The following ANKS1B variants were observed in gnomAD, a reference collection of about 807,000 sequenced individuals.
The protein encoded by ANKS1B is ankyrin repeat and sterile alpha motif domain containing 1B.
Under a neutral mutation model 148.3 loss-of-function variants are expected in ANKS1B, and 36 were observed. The ratio of observed to expected loss-of-function variants is 0.24; its 90% CI spans 0.19 to 0.32. The LOEUF (loss-of-function observed/expected upper bound fraction) is 0.32, where lower values mean the gene tolerates loss of function less well. Among genes scored for constraint, ANKS1B ranks in the 10% least tolerant of loss-of-function variants. ANKS1B has a pLI of 1.00. For missense variants in ANKS1B, 1,157 were observed against 1,542.6 expected (o/e 0.75, Z 4.19); for synonymous variants, 542 against 560.8 (o/e 0.97, Z 0.47).
intron 1 of ANKS1B, among the ~76,000 whole-genome samples, chr12:99,932,351 C>T (rs1199230924): frequency 6.6e-6 from 1 of 152,172 alleles, no homozygotes; most frequent in African/African-American, 2.4e-5. Flanking sequence ...AACCTCCATA[C>T]TGTTCTCCAT....
intron 9 of ANKS1B, among the ~76,000 whole-genome samples, chr12:99,572,687 G>A (rs2097471953): frequency 6.6e-6 from 1 of 151,804 alleles, no homozygotes; most frequent in African/African-American, 2.4e-5. Context: ...ATATAATTTT[G>A]AGGCAGCATT....
At position 99,103,168 on chromosome 12, in the gene ANKS1B, C is replaced by G. The variant is rs573159540; in HGVS notation, c.2527-18145G>C. Among the ~76,000 whole-genome samples the G allele has an allele frequency of 2.0e-5, 3 of 152,064 alleles. No individual in the cohort carries two copies. In the South Asian group the frequency reaches 6.3e-4, roughly 32 times the overall value. On this transcript the variant is annotated intron_variant, in intron 15 of 26. Transcript: ENST00000683438. ...AGGTGTAGAATCCTTACTCCTGAAG[C>G]CCTTCACTGCTGATACTTCTGCTAT...
At chr12:99,096,527 C>A (rs1311428753) in intron 15 of ANKS1B, among the ~76,000 whole-genome samples, 1 of 152,140 alleles carries the variant, frequency 6.6e-6, no homozygotes, top group Non-Finnish European at 1.5e-5. Flanking sequence ...CCACGAAGGG[C>A]TAAACTAAAA....
chr12:99,302,766 T>G (rs2081838314), intron 12 of ANKS1B, among the ~76,000 whole-genome samples: 1 of 152,182 alleles, frequency 6.6e-6, no homozygotes, highest in Non-Finnish European at 1.5e-5. Context: ...TGGCTTTTCC[T>G]CTCTTATGCA....
chr12:99,401,746 A>C (rs571590253), intron 11 of ANKS1B, among the ~76,000 whole-genome samples: 1 of 146,858 alleles, frequency 6.8e-6, no homozygotes, highest in South Asian at 2.1e-4. Flanking sequence ...AGTCTTCGAA[A>C]AAGAGACAAG....
chr12:99,145,608 CAAGCAAGTGAGA>C (rs1314836921), intron 15 of ANKS1B, among the ~76,000 whole-genome samples: 1 of 152,046 alleles, frequency 6.6e-6, no homozygotes, highest in Non-Finnish European at 1.5e-5. Flanking sequence ...ACAAGCAGAG[CAAGCAAGTGAGA>C]AGCTAAGAGG....
At chr12:99,180,597 A>C (rs1490022474) in intron 14 of ANKS1B, among the ~76,000 whole-genome samples, 3 of 151,104 alleles carry the variant, frequency 2.0e-5, no homozygotes, top group African/African-American at 7.3e-5. Context: ...CTAATGCCTG[A>C]AATTGGGGAA....
Position 98,832,205 on chromosome 12 carries a change from T to C in ANKS1B, c.2779-69A>G, listed in dbSNP as rs867279475. ...AATAATTTTTATATGTCCTAAAACA[T>C]GTGGGGTGAAAAAAGATTTGTGCAA... is the stretch of plus-strand genomic sequence containing the variant. On this transcript the variant is annotated intron_variant, in intron 17 of 26. Coordinates refer to ENST00000683438, the MANE Select transcript of ANKS1B (RefSeq NM_001352186.2). The C allele has an allele frequency of 1.1e-5, 14 of 1,254,352 alleles. No homozygotes were observed. In the Middle Eastern group the frequency reaches 7.8e-4, roughly 70 times the overall value. 77.7% of individuals were successfully genotyped at this position (1,254,352 alleles called of 1,614,324 possible).
At chr12:99,032,865 A>G (rs1411071858) in intron 17 of ANKS1B, among the ~76,000 whole-genome samples, 1 of 152,222 alleles carries the variant, frequency 6.6e-6, no homozygotes. Context: ...TTTAAAGTAA[A>G]GAATTATTTC....
At chr12:98,877,766 T>C (rs1267160886) in intron 17 of ANKS1B, among the ~76,000 whole-genome samples, 3 of 152,222 alleles carry the variant, frequency 2.0e-5, no homozygotes, top group South Asian at 2.1e-4. Flanking sequence ...CTAGCAACTG[T>C]CATACTTGCT....
intron 25 of ANKS1B, among the ~76,000 whole-genome samples, chr12:98,759,897 T>G (rs1014351928): frequency 1.3e-5 from 2 of 152,116 alleles, no homozygotes; most frequent in African/African-American, 4.8e-5. Context: ...GGAGACTCGC[T>G]TGAGCCCAGG....
At chr12:98,999,363 G>C (rs533610569) in intron 17 of ANKS1B, among the ~76,000 whole-genome samples, 1 of 152,144 alleles carries the variant, frequency 6.6e-6, no homozygotes, top group South Asian at 2.1e-4. Flanking sequence ...TTTTGTTTTT[G>C]GAGCAAAGTA....
chr12:99,722,897 A>G (rs1165232780), intron 8 of ANKS1B, among the ~76,000 whole-genome samples: 1 of 151,724 alleles, frequency 6.6e-6, no homozygotes, highest in Admixed American at 6.6e-5. Context: ...GCAGTGGTGC[A>G]GGGGGCCCAC....
intron 8 of ANKS1B, among the ~76,000 whole-genome samples, chr12:99,686,444 G>C (rs1005022068): frequency 1.3e-5 from 2 of 152,124 alleles, no homozygotes; most frequent in Admixed American, 6.6e-5. Context: ...ACCAATAAAA[G>C]CTCACTGCTC....
intron 12 of ANKS1B, among the ~76,000 whole-genome samples, chr12:99,260,714 G>A (rs2075834755): frequency 6.6e-6 from 1 of 152,104 alleles, no homozygotes; most frequent in South Asian, 2.1e-4. Flanking sequence ...CTGATTCAGA[G>A]AGAAGAAAAA....
At chr12:99,240,028 C>G (rs1300375667) in intron 14 of ANKS1B, among the ~76,000 whole-genome samples, 1 of 152,000 alleles carries the variant, frequency 6.6e-6, no homozygotes, top group African/African-American at 2.4e-5. Context: ...AAATAACCAG[C>G]TAACATAATG....
intron 10 of ANKS1B, among the ~76,000 whole-genome samples, chr12:99,489,733 C>G (rs1441967446): frequency 6.6e-6 from 1 of 152,188 alleles, no homozygotes. Flanking sequence ...GAGTGCTTAG[C>G]TGATTCAATG....
rs190828580 is a variant in ANKS1B, at chr12:98,922,559, C to T, written c.2779-90423G>A. ...TGTGGCCCAGGCTGGAGTGCAGTGG[C>T]ACAATCTCGGCTCACTGCAACCTCT... On this transcript the variant is annotated intron_variant, in intron 17 of 26. Transcript: ENST00000683438. Among the ~76,000 whole-genome samples, 207 of 152,216 alleles carry T rather than the reference C, an allele frequency of 1.4e-3. 2 individuals are homozygous for T. The highest frequency in any genetic ancestry group is 4.9e-3 in the African/African-American group (202 of 41,526).
At chr12:98,867,025 T>G (rs761273811) in intron 17 of ANKS1B, among the ~76,000 whole-genome samples, 2 of 152,136 alleles carry the variant, frequency 1.3e-5, no homozygotes, top group Non-Finnish European at 2.9e-5. Flanking sequence ...ATAAGCCCCA[T>G]GTGGAAAGGT....
Sources: gnomAD v4.1 joint callset for allele counts (sites outside exome capture counted in the v4.1 genomes callset) on GRCh38, gnomAD v4.1.1 for gene constraint, MANE v1.5 for transcripts, NCBI Gene and HGNC (gene_info 2026-07-23, HGNC 2026-07-21) for gene names.